The following ABLIM1 variants were observed in gnomAD, a reference collection of about 807,000 sequenced individuals.
The protein encoded by ABLIM1 is actin-binding LIM protein 1.
In ABLIM1, 40 loss-of-function variants were observed where a neutral mutation model predicts 107.0. The ratio of observed to expected loss-of-function variants is 0.37; its 90% CI spans 0.29 to 0.49. ABLIM1 has a LOEUF of 0.49. ABLIM1 is among the 20% of genes least tolerant of loss of function. The pLI is 0.97. For missense variants in ABLIM1, 857 were observed against 1,008.5 expected (o/e 0.85, Z 2.04); for synonymous variants, 357 against 357.3 (o/e 1.00, Z 0.01).
chr10:114,567,028 G>T (rs1194947368), intron 4 of ABLIM1, among the ~76,000 whole-genome samples: 1 of 152,210 alleles, frequency 6.6e-6, no homozygotes, highest in Non-Finnish European at 1.5e-5. Flanking sequence ...CAGCCTGGGC[G>T]ACAGAGCGAG....
At chr10:114,688,327 C>A (rs1566240486), upstream of ABLIM1, among the ~76,000 whole-genome samples, 1 of 152,030 alleles carries the variant, frequency 6.6e-6, no homozygotes, top group Non-Finnish European at 1.5e-5. Context: ...TCTAATTATT[C>A]TTTTTATATG....
At chr10:114,685,287 A>T (rs2141634895), upstream of ABLIM1, among the ~76,000 whole-genome samples, 1 of 152,348 alleles carries the variant, frequency 6.6e-6, no homozygotes, top group Non-Finnish European at 1.5e-5. Context: ...GCTAAGAAAT[A>T]GGAGGAAACT....
intron 1 of ABLIM1, among the ~76,000 whole-genome samples, chr10:114,657,602 G>C (rs550146570): frequency 6.6e-6 from 1 of 152,150 alleles, no homozygotes; most frequent in Admixed American, 6.5e-5. Flanking sequence ...CTCCCCCCTT[G>C]AATATTTCCT....
intron 1 of ABLIM1, among the ~76,000 whole-genome samples, chr10:114,734,310 TC>T (rs2082135189): frequency 6.6e-6 from 1 of 152,168 alleles, no homozygotes; most frequent in Non-Finnish European, 1.5e-5. Context: ...ATGATGGCAC[TC>T]CCTTGCTCAA....
chr10:114,568,050 C>T (rs981479716), intron 4 of ABLIM1, among the ~76,000 whole-genome samples: 2 of 151,346 alleles, frequency 1.3e-5, no homozygotes, highest in Admixed American at 1.3e-4. Flanking sequence ...ATTAGCCGGG[C>T]GCGGTGGCAG....
chr10:114,555,774 A>G (rs1187545177), intron 4 of ABLIM1, among the ~76,000 whole-genome samples: 1 of 152,162 alleles, frequency 6.6e-6, no homozygotes, highest in Non-Finnish European at 1.5e-5. Flanking sequence ...TAAAAAATCA[A>G]TTTTCAGTAT....
At chr10:114,751,554 A>G (rs113130694) in intron 1 of ABLIM1, among the ~76,000 whole-genome samples, 2,868 of 152,070 alleles carry the variant, frequency 0.019, 35 homozygotes, top group Middle Eastern at 0.037. Flanking sequence ...GATTGAGACC[A>G]TCCTGGCCAA....
intron 6 of ABLIM1, among the ~76,000 whole-genome samples, chr10:114,494,805 T>C (rs986353870): frequency 3.9e-5 from 6 of 152,164 alleles, no homozygotes; most frequent in Admixed American, 3.3e-4. Flanking sequence ...AGTTTCAGTA[T>C]TGTGTGATCT....
At chr10:114,618,896 G>A (rs894523116) in intron 1 of ABLIM1, among the ~76,000 whole-genome samples, 1 of 152,134 alleles carries the variant, frequency 6.6e-6, no homozygotes, top group Non-Finnish European at 1.5e-5. Flanking sequence ...TCATGGCAGG[G>A]ATGGCCTTTC....
chr10:114,791,649 C>G, the ABLIM1 span, among the ~76,000 whole-genome samples: 1 of 149,442 alleles, frequency 6.7e-6, no homozygotes, highest in South Asian at 2.1e-4. Flanking sequence ...AAAAAAAAAA[C>G]AAAAACAAGA....
At chr10:114,706,914 G>A (rs946948263) in intron 1 of ABLIM1, among the ~76,000 whole-genome samples, 1 of 151,652 alleles carries the variant, frequency 6.6e-6, no homozygotes, top group Non-Finnish European at 1.5e-5. Flanking sequence ...AACCTCTCCC[G>A]AAACTTACAG....
intron 8 of ABLIM1, among the ~76,000 whole-genome samples, chr10:114,483,776 C>T (rs915767309): frequency 6.6e-6 from 1 of 152,230 alleles, no homozygotes; most frequent in Non-Finnish European, 1.5e-5. Flanking sequence ...ACAGCCCAGC[C>T]AAAGTGCTGC....
At chr10:114,749,962 A>G (rs970866923) in intron 1 of ABLIM1, among the ~76,000 whole-genome samples, 8 of 152,106 alleles carry the variant, frequency 5.3e-5, no homozygotes, top group African/African-American at 1.7e-4. Context: ...ACCCATCACT[A>G]TCTGATATGC....
At chr10:114,770,588 C>T (rs7917087), upstream of ABLIM1, among the ~76,000 whole-genome samples, 1,820 of 152,282 alleles carry the variant, frequency 0.012, 42 homozygotes, top group African/African-American at 0.042. Flanking sequence ...CCACAGTGAT[C>T]TCGTTCAATC....
At chr10:114,716,625 C>T (rs1359028351) in intron 1 of ABLIM1, among the ~76,000 whole-genome samples, 3 of 152,092 alleles carry the variant, frequency 2.0e-5, no homozygotes, top group African/African-American at 7.2e-5. Context: ...CTGTTAAGAT[C>T]AGTACACTTT....
intron 1 of ABLIM1, among the ~76,000 whole-genome samples, chr10:114,614,532 A>T (rs984906680): frequency 6.6e-6 from 1 of 152,174 alleles, no homozygotes; most frequent in African/African-American, 2.4e-5. Context: ...CCTTTTTAGG[A>T]AAGAGCCCAT....
At chr10:114,468,517 G>A (rs185521581) in intron 10 of ABLIM1, among the ~76,000 whole-genome samples, 133 of 152,006 alleles carry the variant, frequency 8.7e-4, no homozygotes, top group African/African-American at 2.9e-3. Context: ...CTCATGATCC[G>A]CCCCCCTTAG....
At chr10:114,550,223 G>T (rs1209318173) in intron 4 of ABLIM1, among the ~76,000 whole-genome samples, 1 of 151,978 alleles carries the variant, frequency 6.6e-6, no homozygotes, top group African/African-American at 2.4e-5. Flanking sequence ...AAAAGCTGGG[G>T]TTTATATGAA....
chr10:114,797,663 C>T, the ABLIM1 span, among the ~76,000 whole-genome samples: 4 of 152,106 alleles, frequency 2.6e-5, no homozygotes, highest in Non-Finnish European at 4.4e-5. Flanking sequence ...CTATGCTATT[C>T]AATATGGTAG....
Sources: gnomAD v4.1 joint callset for allele counts (sites outside exome capture counted in the v4.1 genomes callset) on GRCh38, gnomAD v4.1.1 for gene constraint, MANE v1.5 for transcripts, NCBI Gene and HGNC (gene_info 2026-07-23, HGNC 2026-07-21) for gene names.